CHD9: variants seen among roughly 807,000 people sequenced by gnomAD.
CHD9 encodes the protein ATP-dependent chromatin remodeler CHD9.
CHD9 carries 77 observed loss-of-function variants against 316.1 expected under a neutral mutation model. The ratio of observed to expected loss-of-function variants is 0.24; its 90% CI spans 0.20 to 0.29. The LOEUF is 0.29. CHD9 is among the 10% of genes least tolerant of loss of function. The probability of loss-of-function intolerance (pLI) is 1.00; values close to 1 mark genes in which losing one functional copy is unlikely to be tolerated. For missense variants in CHD9, 2,763 were observed against 3,438.1 expected, an observed-to-expected ratio of 0.80 and a Z score of 4.91; for synonymous variants, 1,129 against 1,158.3, an observed-to-expected ratio of 0.97 and a Z score of 0.51.
At chr16:53,110,563 C>T (rs1377913741) in intron 1 of CHD9, among the ~76,000 whole-genome samples, 2 of 152,218 alleles carry the variant, frequency 1.3e-5, no homozygotes, top group Non-Finnish European at 2.9e-5. Context: ...GAGTTTGCAA[C>T]CAGCCTGGCC....
rs1255698048 is a variant in CHD9 at position 53,249,919 on chromosome 16, A to G, written c.3714A>G (p.Gln1238=). The change falls in exon 17 of 39, where the codon CAA becomes CAG. Residue 1238 remains glutamine (Q), a synonymous_variant. Transcript: ENST00000447540. ...GCAGAGTCAGAGGAAATCTTCGGCAAGCTGCTATAGATAGATTTAGTAAAC... is the reference window on the plus strand; with the variant it reads ...GCAGAGTCAGAGGAAATCTTCGGCAGGCTGCTATAGATAGATTTAGTAAAC... The part of the protein sequence containing the change: ...IDGRVRGNLR[Q]AAIDRFSKPD... 3 of 1,613,876 alleles carry G rather than the reference A, an allele frequency of 1.9e-6. No individual in the cohort carries two copies. The highest frequency in any genetic ancestry group is 2.5e-6 in the Non-Finnish European group (3 of 1,179,814).
At chr16:53,286,649 T>C (rs2053899811) in intron 26 of CHD9, among the ~76,000 whole-genome samples, 1 of 152,162 alleles carries the variant, frequency 6.6e-6, no homozygotes, top group African/African-American at 2.4e-5. Flanking sequence ...AAGGCAAGAA[T>C]GTTATAGTTG....
In CHD9 at chr16:53,245,483, T is replaced by C; in HGVS notation, c.3198+4T>C. On this transcript the variant is annotated splice_donor_region_variant and intron_variant, in intron 14 of 38. Coordinates refer to ENST00000447540, the MANE Select transcript of CHD9 (RefSeq NM_001308319.2). The surrounding 1 kb of genome is among the most constrained non-coding windows in gnomAD (Gnocchi z 4.1). ...GGATCTGAAAACAGAGGAACAGGTATCCTATTGCTCTTTGTAAATACATTC... is the reference window on the plus strand; with the variant it reads ...GGATCTGAAAACAGAGGAACAGGTACCCTATTGCTCTTTGTAAATACATTC... 1.3e-6 allele frequency: 2 copies of C among 1,572,726 alleles called. No homozygotes were observed. Among genetic ancestry groups the C allele is most frequent in the Non-Finnish European group, 1.7e-6 (2 of 1,165,484 alleles).
intron 24 of CHD9, 88 bp from the exon 25 acceptor site, chr16:53,285,508 C>A: frequency 5.0e-6 from 3 of 600,934 alleles, no homozygotes; most frequent in South Asian, 5.4e-5. Flanking sequence ...TCTTGAAAGC[C>A]ACAGTGCTTT....
At chr16:53,241,078 G>A (rs1313922444) in intron 12 of CHD9, among the ~76,000 whole-genome samples, 1 of 152,102 alleles carries the variant, frequency 6.6e-6, no homozygotes, top group Non-Finnish European at 1.5e-5. Flanking sequence ...TTCTACTGCA[G>A]CTATTATTCA....
intron 1 of CHD9, among the ~76,000 whole-genome samples, chr16:53,135,561 T>A (rs1006598647): frequency 6.6e-6 from 1 of 152,156 alleles, no homozygotes; most frequent in Non-Finnish European, 1.5e-5. Context: ...TCCTGGTTCC[T>A]GGCTTGAGAA....
chr16:53,192,080 A>AAG (rs199699555), intron 2 of CHD9, among the ~76,000 whole-genome samples: 4,720 of 151,964 alleles, frequency 0.031, 94 homozygotes, highest in Middle Eastern at 0.065. Context: ...AAAAAAAAAA[A>AAG]AAACAGTCAA....
chr16:53,284,254 A>G (rs908704200), intron 24 of CHD9, among the ~76,000 whole-genome samples: 28 of 152,072 alleles, frequency 1.8e-4, no homozygotes, highest in African/African-American at 6.8e-4. Context: ...TAATTTATGA[A>G]TACCAAATAG....
Position 53,292,913 on chromosome 16 carries a change from G to A in CHD9, c.5371G>A (p.Ala1791Thr), listed in dbSNP as rs2054465727. Reference protein sequence around the residue: ...LTTRLRRLITAYQRTNKNRQI... With the variant: ...LTTRLRRLITTYQRTNKNRQI... ...CACACGTTTGAGGCGTCTCATCACTGCATACCAGCGTACTAATAAAAACAG... is the reference window on the plus strand; with the variant it reads ...CACACGTTTGAGGCGTCTCATCACTACATACCAGCGTACTAATAAAAACAG... The change falls in exon 29 of 39, where the codon GCA (alanine) becomes ACA (threonine). Residue 1791 changes from alanine (A) to threonine (T), a missense_variant. By Grantham distance (58) the Ala-to-Thr change is moderately conservative. This residue lies in a region of CHD9 where 183 missense variants were observed against 258.5 expected (regional missense o/e 0.71). Transcript: ENST00000447540. The A allele has an allele frequency of 6.2e-7, 1 of 1,613,566 alleles. No individual in the cohort carries two copies.
chr16:53,216,321 T>G (rs1168917216), intron 3 of CHD9, among the ~76,000 whole-genome samples: 1 of 152,188 alleles, frequency 6.6e-6, no homozygotes, highest in Non-Finnish European at 1.5e-5. Flanking sequence ...CATTTATGGC[T>G]ATCTGTTGTC....
rs575595265 is a variant in CHD9 at position 53,242,758 on chromosome 16, A to T, written c.2878-82A>T. 7.4e-6 allele frequency: 9 copies of T among 1,208,980 alleles called. No individual in the cohort carries two copies. In the East Asian group the frequency reaches 1.6e-4, roughly 22 times the overall value. 74.9% of individuals were successfully genotyped at this position (1,208,980 alleles called of 1,614,324 possible). ...TTTCATTAGAAATGTTTTATAACAG[A>T]TGTTATCTGATGCCACTTGACAGGA... On this transcript the variant is annotated intron_variant, in intron 12 of 38. Transcript: ENST00000447540.
intron 2 of CHD9, among the ~76,000 whole-genome samples, chr16:53,158,729 C>G (rs2041701773): frequency 6.6e-6 from 1 of 152,072 alleles, no homozygotes; most frequent in Admixed American, 6.5e-5. Flanking sequence ...CTCAACCTCC[C>G]TGGGCTCAGG....
intron 1 of CHD9, among the ~76,000 whole-genome samples, chr16:53,113,764 G>A (rs1211289997): frequency 6.6e-6 from 1 of 151,962 alleles, no homozygotes; most frequent in Non-Finnish European, 1.5e-5. Context: ...GTAGCGGCAC[G>A]ATTGTAGCTC....
intron 1 of CHD9, among the ~76,000 whole-genome samples, chr16:53,086,675 C>A (rs2035488572): frequency 6.6e-6 from 1 of 152,262 alleles, no homozygotes; most frequent in African/African-American, 2.4e-5. Context: ...GAAGAAAGCA[C>A]AAAATGTTTT....
intron 15 of CHD9, 122 bp from the exon 16 acceptor site, chr16:53,247,171 A>G: frequency 5.9e-6 from 4 of 676,032 alleles, no homozygotes; most frequent in South Asian, 5.8e-5. Flanking sequence ...AAAGCAATGT[A>G]CATGCCATTA....
intron 1 of CHD9, among the ~76,000 whole-genome samples, chr16:53,077,377 G>A (rs1353425224): frequency 6.6e-6 from 1 of 151,752 alleles, no homozygotes; most frequent in East Asian, 1.9e-4. Flanking sequence ...AGGCTGGAGT[G>A]CAGTGGCGTG....
At chr16:53,323,898 A>G in intron 38 of CHD9, 122 bp from the exon 39 acceptor site, 1 of 781,826 alleles carries the variant, frequency 1.3e-6, no homozygotes. Context: ...TGATTATTTA[A>G]TATCAGTACA....
At chr16:53,129,880 CT>C (rs1410450349) in intron 1 of CHD9, among the ~76,000 whole-genome samples, 1 of 152,152 alleles carries the variant, frequency 6.6e-6, no homozygotes, top group Non-Finnish European at 1.5e-5. Flanking sequence ...CAGCCTCTTC[CT>C]TTTACAGAAG....
In CHD9 at chr16:53,229,054, A is replaced by G. The variant is rs771030102; in HGVS notation, c.2240A>G (p.Lys747Arg). 3 of 1,597,050 alleles carry G rather than the reference A, an allele frequency of 1.9e-6. No individual in the cohort carries two copies. The highest frequency in any genetic ancestry group is 2.6e-6 in the Non-Finnish European group (3 of 1,171,064). ...LKDKRIQQKI[K>R]RFKLRQAQRA... Reference sequence around the variant, plus strand: ...GATAAAAGGATCCAGCAGAAAATCAAACGATTCAAATTGAGACAAGCACAA... The same window carrying G: ...GATAAAAGGATCCAGCAGAAAATCAGACGATTCAAATTGAGACAAGCACAA... Residue 747 changes from lysine to arginine, a missense_variant, in exon 8 of 39, where the codon AAA becomes AGA. Physicochemically the swap from Lys to Arg is conservative, Grantham distance 26. Around this residue, in one of 15 missense-constraint regions of CHD9, gnomAD observed 859 missense variants for 890.4 expected, o/e 0.96. Transcript: ENST00000447540.
Sources: gnomAD v4.1 joint callset for allele counts (sites outside exome capture counted in the v4.1 genomes callset) on GRCh38, gnomAD v4.1.1 for gene constraint, gnomAD v4.1.1 regional missense constraint, Gnocchi (gnomAD v3.1) non-coding constraint, MANE v1.5 for transcripts, NCBI Gene and HGNC (gene_info 2026-07-23, HGNC 2026-07-21) for gene names.